The following CCNY variants were observed in gnomAD, a reference collection of about 807,000 sequenced individuals.
CCNY encodes cyclin Y.
Under a neutral mutation model 42.8 loss-of-function variants are expected in CCNY, and 19 were observed. The observed-to-expected ratio is 0.44, with a 90% CI of 0.31 to 0.65. CCNY has a LOEUF of 0.65. Ranked by LOEUF, CCNY falls within the 30% of genes least tolerant of loss-of-function variation. The probability of loss-of-function intolerance (pLI) is 0.07; values close to 1 mark genes in which losing one functional copy is unlikely to be tolerated. For synonymous variants in CCNY, 165 were observed against 162.7 expected (o/e 1.01, Z -0.11); for missense variants, 370 against 437.3 (o/e 0.85, Z 1.37).
chr10:35,420,954 C>T (rs1381128989), intron 1 of CCNY, among the ~76,000 whole-genome samples: 2 of 152,184 alleles, frequency 1.3e-5, no homozygotes, highest in Non-Finnish European at 2.9e-5. Flanking sequence ...GCATTTTAAG[C>T]CAATTTTGAG....
chr10:35,540,917 G>A (rs1365284479), intron 7 of CCNY, among the ~76,000 whole-genome samples: 2 of 151,802 alleles, frequency 1.3e-5, no homozygotes, highest in Non-Finnish European at 1.5e-5. Context: ...TTTCTTGGTT[G>A]GTCTACCTTC....
chr10:35,569,820 A>G lies in CCNY; in HGVS notation c.*650A>G, dbSNP rs11544081. 6.5e-6 allele frequency: 1 copy of G among 152,830 alleles called. No homozygotes were observed. The highest frequency in any genetic ancestry group is 2.4e-5 in the African/African-American group (1 of 41,392). The allele number at this position is 152,830 out of a possible 1,614,324, so 9.5% of individuals were successfully genotyped here. A position where few individuals can be genotyped will look rare whatever the true frequency, so the allele number is the denominator to read the frequency against. On this transcript the variant is annotated 3_prime_UTR_variant, in exon 10 of 10. Transcript: ENST00000374704. ...TTCCATTTCTGTACACCCTTATTTT[A>G]TACCGTTTTTCTTCAACAATGGCGA...
At chr10:35,518,073 G>A (rs182215798) in intron 4 of CCNY, among the ~76,000 whole-genome samples, 1 of 152,314 alleles carries the variant, frequency 6.6e-6, no homozygotes, top group African/African-American at 2.4e-5. Flanking sequence ...CCATCCTGGG[G>A]CAGCGGGAGC....
At chr10:35,502,408 G>A (rs1364800305) in intron 3 of CCNY, among the ~76,000 whole-genome samples, 2 of 152,094 alleles carry the variant, frequency 1.3e-5, no homozygotes, top group African/African-American at 4.8e-5. Context: ...TCTTGAAATA[G>A]TCCTAAAGCT....
At chr10:35,554,042 A>C (rs762246034) in intron 8 of CCNY, among the ~76,000 whole-genome samples, 57 of 152,140 alleles carry the variant, frequency 3.7e-4, no homozygotes, top group Non-Finnish European at 7.5e-4. Flanking sequence ...TTGTTTGGCA[A>C]ACCTCCTCAA....
At chr10:35,512,638 C>G (rs532397633) in intron 3 of CCNY, among the ~76,000 whole-genome samples, 1 of 151,954 alleles carries the variant, frequency 6.6e-6, no homozygotes, top group East Asian at 1.9e-4. Flanking sequence ...TTGAAGAAGC[C>G]GAGGGACTAA....
intron 1 of CCNY, among the ~76,000 whole-genome samples, chr10:35,458,419 G>A (rs1031058981): frequency 6.6e-6 from 1 of 152,228 alleles, no homozygotes; most frequent in African/African-American, 2.4e-5. Context: ...GTTTATAGAA[G>A]AGGAATTTTA....
intron 1 of CCNY, among the ~76,000 whole-genome samples, chr10:35,384,464 C>T (rs1045905540): frequency 1.3e-5 from 2 of 152,156 alleles, no homozygotes; most frequent in South Asian, 2.1e-4. Flanking sequence ...AGATACTTAA[C>T]GTTTTATCAG....
chr10:35,305,045 A>C (rs1038530738), intron 3 of CCNY, among the ~76,000 whole-genome samples: 3 of 152,230 alleles, frequency 2.0e-5, no homozygotes, highest in African/African-American at 7.2e-5. Context: ...GGAACAATTC[A>C]TGAGGCATTC....
At chr10:35,487,344 G>A (rs1357573557) in intron 2 of CCNY, among the ~76,000 whole-genome samples, 1 of 152,116 alleles carries the variant, frequency 6.6e-6, no homozygotes, top group East Asian at 1.9e-4. Flanking sequence ...TTTGTGGATA[G>A]GAAGCCATGA....
chr10:35,286,092 G>A (rs1440577281), intron 3 of CCNY, among the ~76,000 whole-genome samples: 5 of 152,146 alleles, frequency 3.3e-5, no homozygotes, highest in African/African-American at 7.2e-5. Flanking sequence ...GATTACAGGC[G>A]TGAACCACCA....
chr10:35,270,728 C>CTTTT (rs11411285), intron 3 of CCNY, among the ~76,000 whole-genome samples: 5 of 124,732 alleles, frequency 4.0e-5, no homozygotes, highest in African/African-American at 9.3e-5. Context: ...TTTTTTTTTT[C>CTTTT]TTTTTTTTTT....
intron 3 of CCNY, among the ~76,000 whole-genome samples, chr10:35,280,674 T>C (rs1237139350): frequency 1.3e-5 from 2 of 152,066 alleles, no homozygotes; most frequent in African/African-American, 4.8e-5. Context: ...ATAGAAATAA[T>C]GACTCTGGAT....
intron 3 of CCNY, among the ~76,000 whole-genome samples, chr10:35,264,191 A>G (rs371938438): frequency 6.6e-6 from 1 of 152,196 alleles, no homozygotes; most frequent in Non-Finnish European, 1.5e-5. Flanking sequence ...CTTTGGGTAT[A>G]TACCCAGTGA....
At chr10:35,407,794 G>A (rs1208033190) in intron 1 of CCNY, among the ~76,000 whole-genome samples, 1 of 152,032 alleles carries the variant, frequency 6.6e-6, no homozygotes, top group Non-Finnish European at 1.5e-5. Flanking sequence ...GAGAAGGGGG[G>A]TGGGGAGCAG....
intron 1 of CCNY, among the ~76,000 whole-genome samples, chr10:35,376,613 A>G (rs1215519638): frequency 1.3e-5 from 2 of 152,228 alleles, no homozygotes; most frequent in Non-Finnish European, 1.5e-5. Flanking sequence ...GCTGATAAGC[A>G]TATAATGCAT....
intron 8 of CCNY, among the ~76,000 whole-genome samples, chr10:35,554,709 C>T (rs1275568753): frequency 1.3e-5 from 2 of 152,086 alleles, no homozygotes; most frequent in Admixed American, 1.3e-4. Flanking sequence ...CAGAGGGCCC[C>T]CCGACCATGA....
chr10:35,526,047 ATGT>A (rs753916525), intron 5 of CCNY, 48 bp downstream of exon 5: 9 of 1,514,742 alleles, frequency 5.9e-6, no homozygotes, highest in South Asian at 2.3e-5. Flanking sequence ...ATCTTCTGTT[ATGT>A]TGTTCCTATT....
intron 3 of CCNY, among the ~76,000 whole-genome samples, chr10:35,262,005 G>C (rs1201526666): frequency 6.6e-6 from 1 of 151,594 alleles, no homozygotes; most frequent in Non-Finnish European, 1.5e-5. Context: ...TGGTCAAAAA[G>C]AGTGAAACTT....
Sources: allele counts gnomAD v4.1 joint callset (sites outside exome capture counted in the v4.1 genomes callset), GRCh38; gene constraint gnomAD v4.1.1; transcripts MANE v1.5; gene names NCBI Gene and HGNC (gene_info 2026-07-23, HGNC 2026-07-21).